ARRDC2: variants seen among roughly 807,000 people sequenced by gnomAD.
ARRDC2 encodes arrestin domain-containing protein 2.
ARRDC2 carries 39 observed loss-of-function variants against 38.9 expected under a neutral mutation model. The ratio of observed to expected loss-of-function variants is 1.00; its 90% CI spans 0.78 to 1.31. The LOEUF is 1.31. Among genes scored for constraint, ARRDC2 ranks in the 50% most tolerant of loss-of-function variants. The pLI, the probability that ARRDC2 is intolerant of heterozygous loss-of-function variation, is 0.00. For missense variants in ARRDC2, 553 were observed against 588.4 expected, an observed-to-expected ratio of 0.94 and a Z score of 0.62; for synonymous variants, 300 against 261.9, an observed-to-expected ratio of 1.15 and a Z score of -1.41.
chr19:18,010,851 G>A, intron 7 of ARRDC2, 122 bp downstream of exon 7: 2 of 1,113,800 alleles, frequency 1.8e-6, no homozygotes, highest in Non-Finnish European at 2.5e-6. Context: ...GTCTTGCTCT[G>A]TCACCCAGGC....
chr19:18,007,902 C>G, upstream of ARRDC2: 1 of 294,916 alleles, frequency 3.4e-6, no homozygotes, highest in Non-Finnish European at 6.4e-6. Flanking sequence ...CTGGGCCCTG[C>G]CTCTGCACCT....
chr19:18,001,193 G>C, exon 1 of ARRDC2: 5 of 1,052,986 alleles, frequency 4.7e-6, no homozygotes, highest in South Asian at 4.7e-5. Flanking sequence ...AGTTCGCCGG[G>C]GGGGCCCGGA....
In ARRDC2 at chr19:18,008,496, G is replaced by A; in HGVS notation, c.186G>A (p.Ser62=). The A allele has an allele frequency of 2.0e-6, 3 of 1,529,356 alleles. No homozygotes were observed. Among genetic ancestry groups the A allele is most frequent in the Non-Finnish European group, 2.6e-6 (3 of 1,144,962 alleles). 94.7% of individuals were successfully genotyped at this position (1,529,356 alleles called of 1,614,324 possible). A position where few individuals can be genotyped will look rare whatever the true frequency, so the allele number is the denominator to read the frequency against. Reference sequence around the variant, plus strand: ...GCGCCCACGTGCACTGGACCGAGTCGCGCAGCGCGGGCTCGAGCACGGCTT... The same window carrying A: ...GCGCCCACGTGCACTGGACCGAGTCACGCAGCGCGGGCTCGAGCACGGCTT... ...RGRAHVHWTE[S]RSAGSSTAYT... The change falls in exon 1 of 8, where the codon TCG becomes TCA. Residue 62 remains serine (S), a synonymous_variant. Transcript: ENST00000222250.
rs566414397 is a variant in ARRDC2, at chr19:18,013,710, G to A, written c.*744G>A. 1 of 152,314 alleles carries A rather than the reference G, an allele frequency of 6.6e-6. No homozygotes were observed. Among genetic ancestry groups the A allele is most frequent in the South Asian group, 2.1e-4 (1 of 4,822 alleles). The allele number at this position is 152,314 out of a possible 1,614,324, so 9.4% of individuals were successfully genotyped here. A position where few individuals can be genotyped will look rare whatever the true frequency, so the allele number is the denominator to read the frequency against. On this transcript the variant is annotated 3_prime_UTR_variant, in exon 8 of 8. Coordinates refer to ENST00000222250, the MANE Select transcript of ARRDC2 (RefSeq NM_015683.2). ...TTGGACTTCCTGGGAGCTCCTCCAAGTACCCAGGGGCATCAGAGCTGCCTG... is the reference window on the plus strand; with the variant it reads ...TTGGACTTCCTGGGAGCTCCTCCAAATACCCAGGGGCATCAGAGCTGCCTG...
rs1167868854 is a variant in ARRDC2, at chr19:18,010,005, A to G, written c.815A>G (p.His272Arg). The change falls in exon 5 of 8, where the codon CAC becomes CGC. Residue 272 changes from histidine to arginine, a missense_variant. Coordinates refer to ENST00000222250, the MANE Select transcript of ARRDC2 (RefSeq NM_015683.2). Reference protein sequence around the residue: ...RIPPVGPSILHCRVLHVDYAL... With the variant: ...RIPPVGPSILRCRVLHVDYAL... ...CCCCCAGTGGGTCCTTCCATCCTGC[A>G]CTGCCGCGTTCTACACGTGGACTAC... is the stretch of plus-strand genomic sequence containing the variant. 1.2e-6 allele frequency: 2 copies of G among 1,602,080 alleles called. No individual in the cohort carries two copies. Among genetic ancestry groups the G allele is most frequent in the African/African-American group, 2.7e-5 (2 of 75,008 alleles).
exon 1 of ARRDC2, chr19:18,001,355 C>T (rs748694884): frequency 6.0e-5 from 72 of 1,194,448 alleles, no homozygotes. Flanking sequence ...CTGGAGCTGG[C>T]GCGGGGCCCG....
At chr19:18,005,287 C>T (rs1161945225), upstream of ARRDC2, among the ~76,000 whole-genome samples, 1 of 152,054 alleles carries the variant, frequency 6.6e-6, no homozygotes, top group Admixed American at 6.6e-5. Flanking sequence ...GCACATGTTT[C>T]AGAGAGCACA....
At chr19:18,008,861 C>T (rs1438465339) in intron 2 of ARRDC2, 84 bp downstream of exon 2, 6 of 1,593,520 alleles carry the variant, frequency 3.8e-6, no homozygotes, top group Non-Finnish European at 5.1e-6. Flanking sequence ...CTGGGCACCT[C>T]TGAGCCCCAA....
chr19:18,005,706 G>C (rs2033260238), upstream of ARRDC2, among the ~76,000 whole-genome samples: 1 of 150,876 alleles, frequency 6.6e-6, no homozygotes, highest in Non-Finnish European at 1.5e-5. Context: ...GGGGCGGCTG[G>C]CTGGGTGGGG....
chr19:18,002,440 G>A (rs534309054), intron 1 of ARRDC2, among the ~76,000 whole-genome samples: 3 of 152,344 alleles, frequency 2.0e-5, no homozygotes, highest in South Asian at 2.1e-4. Flanking sequence ...GAAGGAGGCA[G>A]TCCATACCCT....
intron 3 of ARRDC2, chr19:18,009,357 G>A (rs1211753947): frequency 6.3e-6 from 4 of 637,114 alleles, no homozygotes; most frequent in South Asian, 5.9e-5. Context: ...ATAGACCAGA[G>A]CTAGGGCTTA....
chr19:18,005,622 T>C (rs2033257543), upstream of ARRDC2, among the ~76,000 whole-genome samples: 1 of 147,050 alleles, frequency 6.8e-6, no homozygotes, highest in African/African-American at 2.6e-5. Context: ...GGTGGGGGGC[T>C]GACCCCCCGA....
At chr19:18,009,150 G>C (rs767322430) in intron 3 of ARRDC2, 32 bp downstream of exon 3, 2 of 1,609,300 alleles carry the variant, frequency 1.2e-6, no homozygotes, top group Non-Finnish European at 8.5e-7. Context: ...GGTAGGTTGG[G>C]AGTATTGTAG....
At chr19:18,005,831 G>C (rs575129062), upstream of ARRDC2, among the ~76,000 whole-genome samples, 3 of 150,402 alleles carry the variant, frequency 2.0e-5, no homozygotes, top group Non-Finnish European at 4.4e-5. Context: ...CTTCCCAGAC[G>C]GGGTGGCAGC....
chr19:18,007,947 G>C (rs2033312569), upstream of ARRDC2: 2 of 382,508 alleles, frequency 5.2e-6, no homozygotes, highest in Admixed American at 1.0e-4. Flanking sequence ...GTCCGCGAGA[G>C]ACCAGCTCTG....
Position 18,008,579 on chromosome 19 carries a change from C to A in ARRDC2, c.269C>A (p.Ala90Glu). 3 of 1,585,960 alleles carry A rather than the reference C, an allele frequency of 1.9e-6. No individual in the cohort carries two copies. Among genetic ancestry groups the A allele is most frequent in the Non-Finnish European group, 2.6e-6 (3 of 1,173,598 alleles). The change falls in exon 1 of 8, where the codon GCG (alanine) becomes GAG (glutamate). Residue 90 changes from alanine to glutamate, a missense_variant. Physicochemically the swap from Ala to Glu is moderately radical, Grantham distance 107. Around this residue, in one of 3 missense-constraint regions of ARRDC2, gnomAD observed 447 missense variants for 456.6 expected, o/e 0.98. Coordinates refer to ENST00000222250, the MANE Select transcript of ARRDC2 (RefSeq NM_015683.2). ...GTGAGCCACCGCGCCACGCTCCTGG[C>A]GCCAGGTACGGATGGAGGACCCCTG... Reference protein sequence around the residue: ...EVVSHRATLLAPDTGETTTLP... With the variant: ...EVVSHRATLLEPDTGETTTLP...
At chr19:18,001,697 A>T in intron 1 of ARRDC2, 1 of 1,141,384 alleles carries the variant, frequency 8.8e-7, no homozygotes, top group Non-Finnish European at 1.1e-6. Flanking sequence ...AGGAGGGGGA[A>T]ACCCCCTTCC....
At position 18,008,397 on chromosome 19, in the gene ARRDC2, C is replaced by T. The variant is rs200613532; in HGVS notation, c.87C>T (p.Ala29=). The T allele has an allele frequency of 1.3e-5, 20 of 1,594,678 alleles. No homozygotes were observed. In the East Asian group the frequency reaches 4.0e-4, roughly 32 times the overall value. The change falls in exon 1 of 8, where the codon GCC becomes GCT. Residue 29 remains alanine (A), a synonymous_variant. Coordinates refer to ENST00000222250, the MANE Select transcript of ARRDC2 (RefSeq NM_015683.2). ...AGCCCGTGTTTAGCGGCGGCCAGGC[C>T]GTGGCGGGCCGGGTGCTGCTGGAGC... ...GVEPVFSGGQ[A]VAGRVLLELS... is the part of the protein sequence containing the mutation.
At chr19:18,005,657 G>A (rs1293745928), upstream of ARRDC2, among the ~76,000 whole-genome samples, 4 of 150,558 alleles carry the variant, frequency 2.7e-5, no homozygotes, top group Non-Finnish European at 5.9e-5. Flanking sequence ...GGGGCGGCTG[G>A]CCGGGCAGGG....
Sources: gnomAD v4.1 joint callset for allele counts (sites outside exome capture counted in the v4.1 genomes callset) on GRCh38, gnomAD v4.1.1 for gene constraint, gnomAD v4.1.1 regional missense constraint, MANE v1.5 for transcripts, NCBI Gene and HGNC (gene_info 2026-07-23, HGNC 2026-07-21) for gene names.